The following ADCK1 variants were observed in gnomAD, a reference collection of about 807,000 sequenced individuals.
The protein encoded by ADCK1 is aarF domain containing kinase 1.
Under a neutral mutation model 52.3 loss-of-function variants are expected in ADCK1, and 41 were observed. That is an observed-to-expected ratio of 0.78 (90% CI 0.61 to 1.02). The LOEUF (loss-of-function observed/expected upper bound fraction) is 1.02. ADCK1 is among the 50% of genes least tolerant of loss of function. ADCK1 has a pLI of 0.00. For synonymous variants in ADCK1, 250 were observed against 274.6 expected (o/e 0.91, Z 0.89); for missense variants, 658 against 679.5 (o/e 0.97, Z 0.35).
chr14:77,925,875 T>C lies in ADCK1; in HGVS notation c.1120T>C (p.Tyr374His), dbSNP rs372812856. ...YSQRLGAGDL[Y>H]PLFACMLTAR... Reference sequence around the variant, plus strand: ...CCAGCGACTGGGAGCCGGGGATCTCTACCCCTTGTTTGCCTGCATGCTGAC... The same window carrying C: ...CCAGCGACTGGGAGCCGGGGATCTCCACCCCTTGTTTGCCTGCATGCTGAC... Residue 374 changes from tyrosine (Y) to histidine (H), a missense_variant, in exon 9 of 11, where the codon TAC becomes CAC. Physicochemically the swap from Tyr to His is moderately conservative, Grantham distance 83. Transcript: ENST00000238561. 3.7e-6 allele frequency: 6 copies of C among 1,613,864 alleles called. No homozygotes were observed. The highest frequency in any genetic ancestry group is 5.1e-6 in the Non-Finnish European group (6 of 1,179,812).
intron 4 of ADCK1, among the ~76,000 whole-genome samples, chr14:77,883,452 C>A (rs2083078914): frequency 6.6e-6 from 1 of 152,156 alleles, no homozygotes; most frequent in Non-Finnish European, 1.5e-5. Context: ...TCCTTACCAT[C>A]TATCAGCATA....
chr14:77,865,863 G>A (rs1048330541), intron 4 of ADCK1, among the ~76,000 whole-genome samples: 1 of 152,230 alleles, frequency 6.6e-6, no homozygotes, highest in Non-Finnish European at 1.5e-5. Context: ...GTGCAAGCTT[G>A]CTGCAGGGCA....
chr14:77,843,746 C>G (rs1372666646), intron 3 of ADCK1, among the ~76,000 whole-genome samples: 1 of 152,196 alleles, frequency 6.6e-6, no homozygotes, highest in Non-Finnish European at 1.5e-5. Context: ...CTTAATTCTT[C>G]CCTAAATCAT....
rs770425160 is a variant in ADCK1 at position 77,887,126 on chromosome 14, T to C, written c.459T>C (p.Pro153=). 6.2e-7 allele frequency: 1 copy of C among 1,605,820 alleles called. No individual in the cohort carries two copies. The highest frequency in any genetic ancestry group is 8.5e-7 in the Non-Finnish European group (1 of 1,176,208). ...TGTTCCAGAGCTTCGATGACACCCC[T>C]CTGGGGACGGCCTCCCTGGCCCAGG... The part of the protein sequence containing the change: ...HDLFQSFDDT[P]LGTASLAQVH... Residue 153 remains proline (P), a synonymous_variant, in exon 5 of 11, where the codon CCT becomes CCC. Transcript: ENST00000238561.
intron 3 of ADCK1, among the ~76,000 whole-genome samples, chr14:77,843,115 C>G (rs1006018430): frequency 6.6e-6 from 1 of 152,082 alleles, no homozygotes; most frequent in Non-Finnish European, 1.5e-5. Flanking sequence ...TGGTCTCAAA[C>G]TCCTGGCTTC....
chr14:77,920,352 G>A (rs142174711), intron 7 of ADCK1, among the ~76,000 whole-genome samples: 2,921 of 152,280 alleles, frequency 0.019, 83 homozygotes, highest in African/African-American at 0.067. Flanking sequence ...ATTTGTTGAA[G>A]AGGGTGTCGT....
At chr14:77,836,692 G>A (rs566909264) in intron 3 of ADCK1, among the ~76,000 whole-genome samples, 33 of 152,128 alleles carry the variant, frequency 2.2e-4, no homozygotes, top group Non-Finnish European at 4.3e-4. Context: ...TTTTCTGGTG[G>A]CACCAGGCAT....
intron 7 of ADCK1, among the ~76,000 whole-genome samples, chr14:77,911,858 C>A (rs115131150): frequency 6.6e-6 from 1 of 151,904 alleles, no homozygotes; most frequent in Non-Finnish European, 1.5e-5. Context: ...GAATCAGAGA[C>A]TCAGAGAGGG....
At position 77,925,956 on chromosome 14, in the gene ADCK1, A is replaced by T. The variant is rs778693800; in HGVS notation, c.1201A>T (p.Thr401Ser). Residue 401 changes from threonine (T) to serine (S), a missense_variant, in exon 9 of 11, where the codon ACT (threonine) becomes TCT (serine). By Grantham distance (58) the Thr-to-Ser change is moderately conservative (BLOSUM62 1). Transcript: ENST00000238561. The stretch of plus-strand genomic sequence containing the variant: ...CATCAGCCAAGCTCCCGTCACTGCC[A>T]CTGAGGTAGGGGGCCCCTCCAGGCC... Reference protein sequence around the residue: ...RGISQAPVTATEDLEIRNNAA... With the variant: ...RGISQAPVTASEDLEIRNNAA... The T allele has an allele frequency of 6.2e-7, 1 of 1,613,826 alleles. No individual in the cohort carries two copies. Among genetic ancestry groups the T allele is most frequent in the African/African-American group, 1.3e-5 (1 of 74,930 alleles).
At chr14:77,830,882 T>C (rs1394031900) in intron 3 of ADCK1, among the ~76,000 whole-genome samples, 1 of 152,084 alleles carries the variant, frequency 6.6e-6, no homozygotes, top group Non-Finnish European at 1.5e-5. Context: ...CAGTAGTATG[T>C]GTTTGTTTGG....
intron 6 of ADCK1, among the ~76,000 whole-genome samples, chr14:77,904,276 C>T (rs1194542248): frequency 1.3e-5 from 2 of 152,084 alleles, no homozygotes; most frequent in Non-Finnish European, 2.9e-5. Context: ...GAAATGGGGG[C>T]GGAGGTGGGG....
At chr14:77,920,006 G>A (rs1407300721) in intron 7 of ADCK1, among the ~76,000 whole-genome samples, 1 of 152,122 alleles carries the variant, frequency 6.6e-6, no homozygotes, top group Non-Finnish European at 1.5e-5. Flanking sequence ...ATGCATAGCT[G>A]TGAATATTTT....
chr14:77,845,824 T>C (rs1203704991), intron 3 of ADCK1, among the ~76,000 whole-genome samples: 1 of 152,214 alleles, frequency 6.6e-6, no homozygotes. Context: ...CCCTCAGAGT[T>C]GCCTGTCAGA....
At chr14:77,933,164 G>A in intron 10 of ADCK1, 56 bp from the exon 11 acceptor site, 1 of 1,576,272 alleles carries the variant, frequency 6.3e-7, no homozygotes, top group East Asian at 2.3e-5. Flanking sequence ...ATGATACAGA[G>A]CTAGTGTTTC....
chr14:77,920,812 G>C (rs1037522528), intron 7 of ADCK1, among the ~76,000 whole-genome samples: 3 of 151,828 alleles, frequency 2.0e-5, no homozygotes, highest in African/African-American at 7.3e-5. Flanking sequence ...ACCACACCTG[G>C]CTGAATTTTT....
At chr14:77,830,431 A>G (rs1032384780) in intron 3 of ADCK1, among the ~76,000 whole-genome samples, 6 of 151,192 alleles carry the variant, frequency 4.0e-5, no homozygotes, top group African/African-American at 1.5e-4. Context: ...CTGGGATTAC[A>G]GGTATGAGCC....
At chr14:77,818,484 G>A (rs945288009) in intron 1 of ADCK1, among the ~76,000 whole-genome samples, 1 of 152,136 alleles carries the variant, frequency 6.6e-6, no homozygotes, top group Non-Finnish European at 1.5e-5. Flanking sequence ...GTTTCGTCTT[G>A]TTGCCCAGGC....
chr14:77,852,663 A>AAATG (rs1566667072), intron 3 of ADCK1, among the ~76,000 whole-genome samples: 1 of 87,588 alleles, frequency 1.1e-5, no homozygotes, highest in Non-Finnish European at 2.0e-5. Context: ...ATAAATAAAT[A>AAATG]TATATATATA....
chr14:77,913,458 A>C (rs1437991039), intron 7 of ADCK1, among the ~76,000 whole-genome samples: 1 of 152,176 alleles, frequency 6.6e-6, no homozygotes, highest in Non-Finnish European at 1.5e-5. Context: ...GATATTACCA[A>C]GGGCCTGACC....
Sources: gnomAD v4.1 joint callset for allele counts (sites outside exome capture counted in the v4.1 genomes callset) on GRCh38, gnomAD v4.1.1 for gene constraint, MANE v1.5 for transcripts, NCBI Gene and HGNC (gene_info 2026-07-23, HGNC 2026-07-21) for gene names.